Variants in MYCBPAP observed in about 807,000 individuals in gnomAD.
The protein encoded by MYCBPAP is MYCBP associated protein, also known as MYCBP-associated protein.
MYCBPAP carries 60 observed loss-of-function variants against 106.1 expected under a neutral mutation model. The ratio of observed to expected loss-of-function variants is 0.57; its 90% CI spans 0.46 to 0.70. The LOEUF (loss-of-function observed/expected upper bound fraction) is 0.70, where lower values mean the gene tolerates loss of function less well. Ranked by LOEUF, MYCBPAP falls within the 30% of genes least tolerant of loss-of-function variation. The probability of loss-of-function intolerance (pLI) is 0.00; values close to 1 mark genes in which losing one functional copy is unlikely to be tolerated. For missense variants in MYCBPAP, 1,064 were observed against 1,169.3 expected (o/e 0.91, Z 1.31); for synonymous variants, 407 against 440.6 (o/e 0.92, Z 0.95).
intron 1 of MYCBPAP, among the ~76,000 whole-genome samples, chr17:50,515,596 G>A (rs569364645): frequency 1.6e-4 from 24 of 152,038 alleles, no homozygotes; most frequent in Non-Finnish European, 2.5e-4. Flanking sequence ...CTAGGGAGTT[G>A]AAAAAAGTAC....
intron 1 of MYCBPAP, chr17:50,510,499 G>GTGTGTATATA (rs1418345705): frequency 5.9e-4 from 45 of 76,404 alleles, no homozygotes; most frequent in African/African-American, 1.3e-3. Flanking sequence ...GTGTGTGTGT[G>GTGTGTATATA]TATATATATA....
rs530707305 is a variant in MYCBPAP at position 50,519,096 on chromosome 17, C to T, written c.768+7C>T. 1.5e-5 allele frequency: 24 copies of T among 1,608,092 alleles called. No homozygotes were observed. The East Asian group carries it at 2.7e-4, about 18-fold the overall frequency. ...AACCCGGCGTGATAGGAAAGTGAGG[C>T]CACCTGTCCTAAGTGCCCGGGGGCA... On this transcript the variant is annotated splice_region_variant and intron_variant, in intron 6 of 18. Coordinates refer to ENST00000323776, the MANE Select transcript of MYCBPAP (RefSeq NM_032133.6).
At chr17:50,524,195 G>C (rs1306635561) in intron 12 of MYCBPAP, among the ~76,000 whole-genome samples, 1 of 152,204 alleles carries the variant, frequency 6.6e-6, no homozygotes, top group African/African-American at 2.4e-5. Flanking sequence ...AGCAGCATGA[G>C]TCTGCCCACC....
At chr17:50,523,882 AGAG>A (rs2034366470) in intron 12 of MYCBPAP, 98 bp downstream of exon 12, 1 of 1,237,212 alleles carries the variant, frequency 8.1e-7, no homozygotes. Flanking sequence ...TCCCAGCCTA[AGAG>A]GAGAATTGGA....
rs1469046920 is a variant in MYCBPAP, at chr17:50,531,456, A to T, written c.*28A>T. ...CTCGGGCCCAAGCAACCTTCTGGAAAACGGGTTAATAAATAAATCAATAAA... is the reference window on the plus strand; with the variant it reads ...CTCGGGCCCAAGCAACCTTCTGGAATACGGGTTAATAAATAAATCAATAAA... On this transcript the variant is annotated 3_prime_UTR_variant, in exon 19 of 19. Transcript: ENST00000323776. The T allele has an allele frequency of 5.9e-6, 9 of 1,535,966 alleles. No homozygotes were observed. The highest frequency in any genetic ancestry group is 8.0e-6 in the Non-Finnish European group (9 of 1,126,236).
chr17:50,528,552 C>CT, intron 16 of MYCBPAP, 143 bp from the exon 17 acceptor site: 1 of 1,080,760 alleles, frequency 9.3e-7, no homozygotes, highest in Non-Finnish European at 1.3e-6. Flanking sequence ...CACCACAGTC[C>CT]TGTTTCATGA....
chr17:50,517,058 C>T (rs142722100), intron 2 of MYCBPAP, among the ~76,000 whole-genome samples: 5 of 152,258 alleles, frequency 3.3e-5, no homozygotes, highest in Non-Finnish European at 5.9e-5. Context: ...GAGAGTCAGC[C>T]ATCTCTCACC....
chr17:50,515,439 C>G (rs1471149955), intron 1 of MYCBPAP, among the ~76,000 whole-genome samples: 1 of 152,196 alleles, frequency 6.6e-6, no homozygotes, highest in Non-Finnish European at 1.5e-5. Context: ...GGTGAATGCT[C>G]TGCTTCCCCC....
At chr17:50,519,973 A>C in intron 7 of MYCBPAP, 186 bp downstream of exon 7, 1 of 608,882 alleles carries the variant, frequency 1.6e-6, no homozygotes, top group Non-Finnish European at 2.8e-6. Flanking sequence ...TTCTTCAGTA[A>C]AACGGTGAGA....
In MYCBPAP at chr17:50,517,441, T is replaced by A; in HGVS notation, c.353T>A (p.Leu118Gln). The A allele has an allele frequency of 6.2e-7, 1 of 1,614,228 alleles. No homozygotes were observed. Among genetic ancestry groups the A allele is most frequent in the Non-Finnish European group, 8.5e-7 (1 of 1,180,028 alleles). Residue 118 changes from leucine to glutamine, a missense_variant, in exon 3 of 19, where the codon CTG (leucine) becomes CAG (glutamine). Leu to Gln is a moderately radical substitution (Grantham distance 113, BLOSUM62 -2). Transcript: ENST00000323776. ...AATCCTGATGAAGCCACAAAGCCTCTGGACTACTCCGGTACACCCAGTCTC... is the reference window on the plus strand; with the variant it reads ...AATCCTGATGAAGCCACAAAGCCTCAGGACTACTCCGGTACACCCAGTCTC... Reference protein sequence around the residue: ...PANPDEATKPLDYSGPGDSFD... With the variant: ...PANPDEATKPQDYSGPGDSFD...
chr17:50,522,025 C>A lies in MYCBPAP; in HGVS notation c.1201C>A (p.Leu401Met). The change falls in exon 10 of 19, where the codon CTG (leucine) becomes ATG (methionine). Residue 401 changes from leucine (L) to methionine (M), a missense_variant. Leu to Met is a conservative substitution (Grantham distance 15). Transcript: ENST00000323776. ...DVSMPILGPS[L>M]LFCGKPACWI... ...CTCCATGCCTATTCTCGGCCCTTCTCTGCTGTTCTGTGGGAAGCCAGCTTG... is the reference window on the plus strand; with the variant it reads ...CTCCATGCCTATTCTCGGCCCTTCTATGCTGTTCTGTGGGAAGCCAGCTTG... 6.2e-7 allele frequency: 1 copy of A among 1,614,108 alleles called. No homozygotes were observed. The highest frequency in any genetic ancestry group is 8.5e-7 in the Non-Finnish European group (1 of 1,179,964).
At position 50,519,053 on chromosome 17, in the gene MYCBPAP, C is replaced by T. The variant is rs765995887; in HGVS notation, c.732C>T (p.Leu244=). 4 of 1,612,998 alleles carry T rather than the reference C, an allele frequency of 2.5e-6. No individual in the cohort carries two copies. The African/African-American group carries it at 4.0e-5, about 16-fold the overall frequency. ...TYRRIQEERE[L]IDCTLPTRRD... ...GACGGATCCAGGAGGAGCGGGAGCTCATTGACTGCACACTTCCAACCCGGC... is the reference window on the plus strand; with the variant it reads ...GACGGATCCAGGAGGAGCGGGAGCTTATTGACTGCACACTTCCAACCCGGC... Residue 244 remains leucine (L), a synonymous_variant, in exon 6 of 19, where the codon CTC becomes CTT. Transcript: ENST00000323776.
rs762003341 is a variant in MYCBPAP at position 50,514,879 on chromosome 17, G to A, written c.77-1691G>A. ...TGGTCTTGAACTCCTGGGCTCAAGCGATCTGCCTGCCTTGGCCTCCCAAGA... is the reference window on the plus strand; with the variant it reads ...TGGTCTTGAACTCCTGGGCTCAAGCAATCTGCCTGCCTTGGCCTCCCAAGA... On this transcript the variant is annotated intron_variant, in intron 1 of 18. Coordinates refer to ENST00000323776, the MANE Select transcript of MYCBPAP (RefSeq NM_032133.6). 83 of 451,468 alleles carry A rather than the reference G, an allele frequency of 1.8e-4. 1 individual carries two copies. Among genetic ancestry groups the A allele is most frequent in the South Asian group, 1.3e-3 (80 of 63,598 alleles). 28.0% of individuals were successfully genotyped at this position (451,468 alleles called of 1,614,324 possible).
upstream of MYCBPAP, chr17:50,508,279 C>T: frequency 2.6e-6 from 1 of 383,612 alleles, no homozygotes; most frequent in Non-Finnish European, 4.6e-6. Flanking sequence ...CAGGGCGGGG[C>T]GAGGCGGGTC....
chr17:50,525,790 C>T, intron 13 of MYCBPAP, 91 bp from the exon 14 acceptor site: 1 of 1,447,210 alleles, frequency 6.9e-7, no homozygotes, highest in Non-Finnish European at 9.2e-7. Flanking sequence ...TGTGCCTGGC[C>T]CTTGTACTAT....
chr17:50,523,539 G>A (rs1205050035), intron 11 of MYCBPAP, 58 bp from the exon 12 acceptor site: 1 of 1,569,570 alleles, frequency 6.4e-7, no homozygotes, highest in African/African-American at 1.4e-5. Context: ...GGAGCATGTA[G>A]GCCTGGGGCT....
chr17:50,508,790 AG>A, intron 1 of MYCBPAP, 40 bp downstream of exon 1: 1 of 1,552,942 alleles, frequency 6.4e-7, no homozygotes, highest in South Asian at 1.1e-5. Flanking sequence ...AGAACCCGAG[AG>A]GGGAAGCGGT....
At chr17:50,511,481 C>T (rs895481840) in intron 1 of MYCBPAP, among the ~76,000 whole-genome samples, 1 of 152,166 alleles carries the variant, frequency 6.6e-6, no homozygotes, top group East Asian at 1.9e-4. Context: ...CTTTAATCAA[C>T]ACTAAAAACG....
chr17:50,509,106 AG>A, intron 1 of MYCBPAP: 1 of 703,018 alleles, frequency 1.4e-6, no homozygotes, highest in Admixed American at 2.0e-5. Context: ...AAAGAGTTTA[AG>A]GGTAGAAGGG....
Sources: allele counts gnomAD v4.1 joint callset (sites outside exome capture counted in the v4.1 genomes callset), GRCh38; gene constraint gnomAD v4.1.1; transcripts MANE v1.5; gene names NCBI Gene and HGNC (gene_info 2026-07-23, HGNC 2026-07-21).